Variants in ADGRB3 observed in about 807,000 individuals in gnomAD.
The protein encoded by ADGRB3 is brain-specific angiogenesis inhibitor 3.
In ADGRB3, 37 loss-of-function variants were observed where a neutral mutation model predicts 193.4. The ratio of observed to expected loss-of-function variants is 0.19; its 90% CI spans 0.15 to 0.25. The LOEUF is 0.25. Ranked by LOEUF, ADGRB3 falls within the 10% of genes least tolerant of loss-of-function variation. The probability of loss-of-function intolerance (pLI) is 1.00; values close to 1 mark genes in which losing one functional copy is unlikely to be tolerated. For synonymous variants in ADGRB3, 690 were observed against 644.2 expected, an observed-to-expected ratio of 1.07 and a Z score of -1.08; for missense variants, 1,637 against 1,852.9, an observed-to-expected ratio of 0.88 and a Z score of 2.14.
chr6:69,008,169 C>T (rs1229284020), intron 11 of ADGRB3, among the ~76,000 whole-genome samples: 1 of 152,150 alleles, frequency 6.6e-6, no homozygotes, highest in African/African-American at 2.4e-5. Flanking sequence ...ATTCAAACTG[C>T]TGCAATCACT....
At chr6:68,766,150 G>A (rs1766504797) in intron 3 of ADGRB3, among the ~76,000 whole-genome samples, 1 of 151,856 alleles carries the variant, frequency 6.6e-6, no homozygotes, top group African/African-American at 2.4e-5. Flanking sequence ...GGTTTTTGTT[G>A]ATAATTTCTG....
At chr6:69,379,762 T>C (rs1769905991) in intron 30 of ADGRB3, among the ~76,000 whole-genome samples, 1 of 151,994 alleles carries the variant, frequency 6.6e-6, no homozygotes, top group African/African-American at 2.4e-5. Flanking sequence ...CCATCATTGC[T>C]ATGGTTATTT....
chr6:69,186,566 G>A (rs1012236953), intron 17 of ADGRB3, among the ~76,000 whole-genome samples: 54 of 151,714 alleles, frequency 3.6e-4, no homozygotes, highest in Admixed American at 1.1e-3. Flanking sequence ...AAAAGAAGAA[G>A]AAAATAAGAG....
At chr6:68,812,824 AGCCC>A (rs1209823029) in intron 3 of ADGRB3, among the ~76,000 whole-genome samples, 1 of 132,250 alleles carries the variant, frequency 7.6e-6, no homozygotes, top group Non-Finnish European at 1.6e-5. Context: ...TCCCTCCCCT[AGCCC>A]CCCAACCCCC....
At chr6:68,862,367 C>A (rs1272616563) in intron 3 of ADGRB3, among the ~76,000 whole-genome samples, 5 of 152,180 alleles carry the variant, frequency 3.3e-5, no homozygotes, top group Non-Finnish European at 7.3e-5. Flanking sequence ...CTGACCTACA[C>A]CATGGGTGCA....
intron 8 of ADGRB3, among the ~76,000 whole-genome samples, chr6:68,964,017 A>G (rs990525693): frequency 6.6e-6 from 1 of 152,178 alleles, no homozygotes; most frequent in African/African-American, 2.4e-5. Flanking sequence ...AAACATTTAT[A>G]TAAAAGCATA....
intron 3 of ADGRB3, among the ~76,000 whole-genome samples, chr6:68,827,392 TA>T (rs1767865064): frequency 6.6e-6 from 1 of 151,478 alleles, no homozygotes; most frequent in African/African-American, 2.4e-5. Context: ...ATAATAATAA[TA>T]AATGAGCAAT....
chr6:68,722,742 A>G (rs1254752128), intron 3 of ADGRB3, among the ~76,000 whole-genome samples: 1 of 151,670 alleles, frequency 6.6e-6, no homozygotes, highest in Non-Finnish European at 1.5e-5. Flanking sequence ...CTGTCCCGTA[A>G]CATGAGACAT....
At chr6:69,197,951 C>T (rs1290643416) in intron 17 of ADGRB3, among the ~76,000 whole-genome samples, 1 of 151,946 alleles carries the variant, frequency 6.6e-6, no homozygotes, top group Non-Finnish European at 1.5e-5. Flanking sequence ...CTTTCATTTC[C>T]TAATACCTTT....
At chr6:68,811,930 AC>A (rs1231877437) in intron 3 of ADGRB3, among the ~76,000 whole-genome samples, 1 of 152,226 alleles carries the variant, frequency 6.6e-6, no homozygotes, top group Non-Finnish European at 1.5e-5. Context: ...ATGTGATCAA[AC>A]CAGAAAATAC....
chr6:68,781,766 C>G (rs1001003118), intron 3 of ADGRB3, among the ~76,000 whole-genome samples: 1 of 151,974 alleles, frequency 6.6e-6, no homozygotes, highest in African/African-American at 2.4e-5. Flanking sequence ...AAAAGTGGGG[C>G]TCCTGGATCC....
chr6:69,128,400 T>C (rs1482328), intron 17 of ADGRB3, among the ~76,000 whole-genome samples: 97,113 of 151,972 alleles, frequency 0.64, 32,260 homozygotes, highest in East Asian at 0.95. Flanking sequence ...TTAGGGGATC[T>C]TGTGGTCTGT....
intron 17 of ADGRB3, among the ~76,000 whole-genome samples, chr6:69,199,273 T>C (rs1765370955): frequency 1.3e-5 from 2 of 152,136 alleles, no homozygotes; most frequent in African/African-American, 4.8e-5. Flanking sequence ...GTATTTTAGC[T>C]GAGAAGGAGT....
At chr6:69,027,060 A>G (rs575966105) in intron 13 of ADGRB3, among the ~76,000 whole-genome samples, 1 of 152,200 alleles carries the variant, frequency 6.6e-6, no homozygotes, top group African/African-American at 2.4e-5. Context: ...GCTAACTGCA[A>G]CTCTTTTACT....
chr6:68,793,690 G>A (rs938136151), intron 3 of ADGRB3, among the ~76,000 whole-genome samples: 8 of 151,868 alleles, frequency 5.3e-5, no homozygotes, highest in Non-Finnish European at 7.4e-5. Flanking sequence ...CACCATGCTC[G>A]GCTAATTTTT....
chr6:69,324,535 T>C (rs949160793), intron 20 of ADGRB3, among the ~76,000 whole-genome samples: 29 of 152,094 alleles, frequency 1.9e-4, no homozygotes, highest in African/African-American at 7.0e-4. Context: ...CTGTAACAAA[T>C]TAAATCAAAG....
At chr6:69,091,966 A>G (rs1330021958) in intron 17 of ADGRB3, among the ~76,000 whole-genome samples, 2 of 152,176 alleles carry the variant, frequency 1.3e-5, no homozygotes, top group African/African-American at 2.4e-5. Flanking sequence ...AAGTTCCTCC[A>G]AAGCCTGTTT....
At chr6:69,004,823 A>C (rs1215088606) in intron 11 of ADGRB3, among the ~76,000 whole-genome samples, 1 of 152,106 alleles carries the variant, frequency 6.6e-6, no homozygotes, top group African/African-American at 2.4e-5. Context: ...GCTGAGATAT[A>C]GTGAGCCTAT....
At chr6:69,123,470 G>A (rs1385286388) in intron 17 of ADGRB3, among the ~76,000 whole-genome samples, 2 of 152,056 alleles carry the variant, frequency 1.3e-5, no homozygotes, top group Admixed American at 6.6e-5. Context: ...TGGATTCTGG[G>A]ACTACAACAG....
Sources: allele counts gnomAD v4.1 joint callset (sites outside exome capture counted in the v4.1 genomes callset), GRCh38; gene constraint gnomAD v4.1.1; transcripts MANE v1.5; gene names NCBI Gene and HGNC (gene_info 2026-07-23, HGNC 2026-07-21).